AIF1L: variants seen among roughly 807,000 people sequenced by gnomAD.
The protein encoded by AIF1L is allograft inflammatory factor 1-like.
In AIF1L, 12 loss-of-function variants were observed where a neutral mutation model predicts 20.7. The observed-to-expected ratio is 0.58, with a 90% CI of 0.37 to 0.94. The LOEUF is 0.94. AIF1L is among the 40% of genes least tolerant of loss of function. The pLI, the probability that AIF1L is intolerant of heterozygous loss-of-function variation, is 0.01. For synonymous variants in AIF1L, 76 were observed against 65.1 expected (o/e 1.17, Z -0.81); for missense variants, 173 against 185.3 (o/e 0.93, Z 0.39).
chr9:131,116,382 G>A (rs974826793), intron 4 of AIF1L, among the ~76,000 whole-genome samples: 17 of 152,042 alleles, frequency 1.1e-4, no homozygotes, highest in African/African-American at 3.9e-4. Flanking sequence ...TCCTGCCTCA[G>A]CCTCCCAAGT....
At chr9:131,107,156 G>A (rs1830772091) in intron 2 of AIF1L, among the ~76,000 whole-genome samples, 1 of 152,216 alleles carries the variant, frequency 6.6e-6, no homozygotes, top group Non-Finnish European at 1.5e-5. Flanking sequence ...TGAAGTTGGT[G>A]AGGGAGAGAA....
chr9:131,121,244 G>A lies in AIF1L; in HGVS notation c.*922G>A, dbSNP rs939422604. 8 of 624,892 alleles carry A rather than the reference G, an allele frequency of 1.3e-5. No homozygotes were observed. The highest frequency in any genetic ancestry group is 2.4e-5 in the Non-Finnish European group (8 of 337,776). The allele number at this position is 624,892 out of a possible 1,614,324, so 38.7% of individuals were successfully genotyped here. ...CCCAATCTGCTTGAAACCTGACTCT[G>A]CTTCTCTCATTTGTCTTCCTACCCT... On this transcript the variant is annotated 3_prime_UTR_variant, in exon 6 of 6. Coordinates refer to ENST00000247291, the MANE Select transcript of AIF1L (RefSeq NM_031426.4).
At chr9:131,108,982 C>G (rs1830813336) in intron 2 of AIF1L, among the ~76,000 whole-genome samples, 1 of 152,206 alleles carries the variant, frequency 6.6e-6, no homozygotes, top group African/African-American at 2.4e-5. Flanking sequence ...AGTGAGTTCT[C>G]TGTCCTAAGA....
At chr9:131,117,728 C>T in intron 4 of AIF1L, 28 bp from the exon 5 acceptor site, 1 of 1,584,420 alleles carries the variant, frequency 6.3e-7, no homozygotes, top group Non-Finnish European at 8.6e-7. Flanking sequence ...CCCATCTCCA[C>T]TTAACAGATC....
intron 2 of AIF1L, among the ~76,000 whole-genome samples, 156 bp downstream of exon 2, chr9:131,097,019 TCGCCTCCGACTCCAGGTAGGTC>T (rs1830545383): frequency 6.6e-6 from 1 of 152,152 alleles, no homozygotes; most frequent in Non-Finnish European, 1.5e-5. Context: ...CCCAGCCCCG[TCGCCTCCGACTCCAGGTAGGTC>T]CGCCTCCGCC....
chr9:131,118,743 C>T (rs959606556), intron 5 of AIF1L, among the ~76,000 whole-genome samples: 3 of 150,782 alleles, frequency 2.0e-5, no homozygotes, highest in South Asian at 2.1e-4. Flanking sequence ...AATGGGGTTT[C>T]GCCATGTTGG....
At chr9:131,099,138 C>G (rs1164416306) in intron 2 of AIF1L, among the ~76,000 whole-genome samples, 2 of 152,140 alleles carry the variant, frequency 1.3e-5, no homozygotes, top group Admixed American at 6.6e-5. Flanking sequence ...TGTAAAGCAC[C>G]CAGGAGAGCT....
In AIF1L at chr9:131,121,211, T is replaced by C; in HGVS notation, c.*889T>C. ...CAAGACTGAGAAATACAAGGTTGCT[T>C]GTCTGACCCCAATCTGCTTGAAACC... On this transcript the variant is annotated 3_prime_UTR_variant, in exon 6 of 6. Coordinates refer to ENST00000247291, the MANE Select transcript of AIF1L (RefSeq NM_031426.4). 1 of 678,392 alleles carries C rather than the reference T, an allele frequency of 1.5e-6. No individual in the cohort carries two copies. Among genetic ancestry groups the C allele is most frequent in the South Asian group, 1.7e-5 (1 of 59,826 alleles). The allele number at this position is 678,392 out of a possible 1,614,324, so 42.0% of individuals were successfully genotyped here. A position where few individuals can be genotyped will look rare whatever the true frequency, so the allele number is the denominator to read the frequency against.
rs772239555 is a variant in AIF1L at position 131,117,903 on chromosome 9, C to T, written c.350C>T (p.Ser117Leu). 1.2e-5 allele frequency: 19 copies of T among 1,611,036 alleles called. No homozygotes were observed. Among genetic ancestry groups the T allele is most frequent in the East Asian group, 4.5e-5 (2 of 44,844 alleles). Residue 117 changes from serine to leucine, a missense_variant, in exon 5 of 6, where the codon TCG (serine) becomes TTG (leucine). Ser to Leu is a moderately radical substitution (Grantham distance 145). Transcript: ENST00000247291. ...DFVNMMLGKR[S>L]AVLKLVMMFE... ...GTGAACATGATGCTGGGGAAACGGT[C>T]GGCTGTCCTCAAGTTGTGAGTACCT...
chr9:131,099,189 G>T (rs1361414535), intron 2 of AIF1L, among the ~76,000 whole-genome samples: 1 of 152,184 alleles, frequency 6.6e-6, no homozygotes, highest in Non-Finnish European at 1.5e-5. Flanking sequence ...TTCTTTGTTC[G>T]TGGCCTCAAG....
At chr9:131,119,586 A>G (rs958890433) in intron 5 of AIF1L, among the ~76,000 whole-genome samples, 18 of 152,190 alleles carry the variant, frequency 1.2e-4, no homozygotes, top group Admixed American at 4.6e-4. Flanking sequence ...TAAAGTACGA[A>G]TGTAAAATAT....
intron 2 of AIF1L, among the ~76,000 whole-genome samples, chr9:131,101,640 G>C (rs972837662): frequency 6.6e-6 from 1 of 151,782 alleles, no homozygotes; most frequent in Non-Finnish European, 1.5e-5. Context: ...TCACTGTGCC[G>C]GGCCTTGACT....
chr9:131,107,467 A>G (rs945685505), intron 2 of AIF1L, among the ~76,000 whole-genome samples: 1 of 152,152 alleles, frequency 6.6e-6, no homozygotes, highest in East Asian at 1.9e-4. Flanking sequence ...AGCCCCTCCA[A>G]ATCTCTCCCC....
chr9:131,121,227 G>C lies in AIF1L; in HGVS notation c.*905G>C. On this transcript the variant is annotated 3_prime_UTR_variant, in exon 6 of 6. Coordinates refer to ENST00000247291, the MANE Select transcript of AIF1L (RefSeq NM_031426.4). The stretch of plus-strand genomic sequence containing the variant: ...AAGGTTGCTTGTCTGACCCCAATCT[G>C]CTTGAAACCTGACTCTGCTTCTCTC... 1 of 652,008 alleles carries C rather than the reference G, an allele frequency of 1.5e-6. No homozygotes were observed. The allele number at this position is 652,008 out of a possible 1,614,324, so 40.4% of individuals were successfully genotyped here.
intron 2 of AIF1L, among the ~76,000 whole-genome samples, chr9:131,110,501 T>A (rs1830852246): frequency 6.9e-6 from 1 of 144,014 alleles, no homozygotes; most frequent in Non-Finnish European, 1.5e-5. Context: ...TTCTTTTTTC[T>A]TTTCTTTTTT....
Position 131,120,333 on chromosome 9 carries a change from TG to T in AIF1L, c.*13del. On this transcript the variant is annotated 3_prime_UTR_variant, in exon 6 of 6. Coordinates refer to ENST00000247291, the MANE Select transcript of AIF1L (RefSeq NM_031426.4). ...GCTAGCCTGCCCTGAGGACCCCGCC[TG>T]GACTCCCCAGCCTTCCCACCCCATA... The T allele has an allele frequency of 1.9e-6, 3 of 1,604,022 alleles. No homozygotes were observed. The highest frequency in any genetic ancestry group is 2.6e-6 in the Non-Finnish European group (3 of 1,175,830).
At chr9:131,113,877 G>T in intron 3 of AIF1L, 1 of 152,652 alleles carries the variant, frequency 6.6e-6, no homozygotes, top group Non-Finnish European at 1.5e-5. Flanking sequence ...CTCTGCCCGG[G>T]CAGGGGGTGA....
intron 2 of AIF1L, 69 bp downstream of exon 2, chr9:131,096,932 C>A: frequency 6.9e-7 from 1 of 1,448,616 alleles, no homozygotes. Flanking sequence ...CCTCTCCTTC[C>A]GCGAGGCCGT....
intron 2 of AIF1L, among the ~76,000 whole-genome samples, chr9:131,110,781 G>A (rs1242972239): frequency 6.6e-6 from 1 of 151,906 alleles, no homozygotes; most frequent in Non-Finnish European, 1.5e-5. Flanking sequence ...GGGATTACAG[G>A]CGTGAACCGC....
Sources: gnomAD v4.1 joint callset for allele counts (sites outside exome capture counted in the v4.1 genomes callset) on GRCh38, gnomAD v4.1.1 for gene constraint, MANE v1.5 for transcripts, NCBI Gene and HGNC (gene_info 2026-07-23, HGNC 2026-07-21) for gene names.